SDR9C7: variants seen among roughly 807,000 people sequenced by gnomAD.
The protein encoded by SDR9C7 is short-chain dehydrogenase/reductase family 9C member 7.
SDR9C7 carries 11 observed loss-of-function variants against 23.6 expected under a neutral mutation model. That is an observed-to-expected ratio of 0.47 (90% CI 0.29 to 0.77). The LOEUF is 0.77. Ranked by LOEUF, SDR9C7 falls within the 30% of genes least tolerant of loss-of-function variation. The probability of loss-of-function intolerance (pLI) is 0.09; values close to 1 mark genes in which losing one functional copy is unlikely to be tolerated. For missense variants in SDR9C7, 387 were observed against 407.1 expected, an observed-to-expected ratio of 0.95 and a Z score of 0.42; for synonymous variants, 167 against 157.3, an observed-to-expected ratio of 1.06 and a Z score of -0.46.
chr12:56,929,269 G>T, intron 3 of SDR9C7, 121 bp downstream of exon 3: 1 of 942,424 alleles, frequency 1.1e-6, no homozygotes. Flanking sequence ...GTGCCACTAT[G>T]TGACCTTGGG....
At chr12:56,927,554 C>T (rs967382884) in intron 3 of SDR9C7, among the ~76,000 whole-genome samples, 2 of 152,254 alleles carry the variant, frequency 1.3e-5, no homozygotes, top group African/African-American at 4.8e-5. Context: ...GCCAATCACA[C>T]CTTCACATTC....
In SDR9C7 at chr12:56,923,964, G is replaced by C. The variant is rs770439255; in HGVS notation, c.811C>G (p.Arg271Gly). 2 of 1,614,034 alleles carry C rather than the reference G, an allele frequency of 1.2e-6. No homozygotes were observed. The highest frequency in any genetic ancestry group is 1.7e-5 in the Admixed American group (1 of 60,024). ...INSMEHAIVSRSPRIRYNPGL... is the reference protein window; with the variant it reads ...INSMEHAIVSGSPRIRYNPGL... ...GGGTTGTAGCGGATGCGAGGGCTCC[G>C]GGAAACAATAGCATGCTCCATGCTG... is the stretch of plus-strand genomic sequence containing the variant. The change falls in exon 4 of 4, where the codon CGG becomes GGG. Residue 271 changes from arginine to glycine, a missense_variant. Transcript: ENST00000293502.
At position 56,929,467 on chromosome 12, in the gene SDR9C7, T is replaced by C; in HGVS notation, c.647A>G (p.Glu216Gly). Residue 216 changes from glutamate (E) to glycine (G), a missense_variant, in exon 3 of 4, where the codon GAG (glutamate) becomes GGG (glycine). Physicochemically the swap from Glu to Gly is moderately conservative, Grantham distance 98. Coordinates refer to ENST00000293502, the MANE Select transcript of SDR9C7 (RefSeq NM_148897.3). Reference protein sequence around the residue: ...RTAILGKENLESRMRKLWERL... With the variant: ...RTAILGKENLGSRMRKLWERL... ...CTCCCAAAGCTTTCGCATGCGTGAC[T>C]CCAGGTTCTCCTTGCCGAGAATGGC... 1 of 1,613,906 alleles carries C rather than the reference T, an allele frequency of 6.2e-7. No homozygotes were observed.
Position 56,930,440 on chromosome 12 carries a change from C to T in SDR9C7, c.346G>A (p.Gly116Ser). ...VNNAGVGLPSGPNEWLTKDDF... is the reference protein window; with the variant it reads ...VNNAGVGLPSSPNEWLTKDDF... ...TCCTTGGTCAGCCATTCGTTGGGAC[C>T]ACTGGGCAGGCCCACACCAGCATTG... The change falls in exon 2 of 4, where the codon GGT becomes AGT. Residue 116 changes from glycine (G) to serine (S), a missense_variant. Coordinates refer to ENST00000293502, the MANE Select transcript of SDR9C7 (RefSeq NM_148897.3). 2 of 1,614,148 alleles carry T rather than the reference C, an allele frequency of 1.2e-6. No homozygotes were observed. Among genetic ancestry groups the T allele is most frequent in the Non-Finnish European group, 1.7e-6 (2 of 1,180,012 alleles).
chr12:56,932,040 A>ATATT (rs760171074), intron 1 of SDR9C7, among the ~76,000 whole-genome samples: 1 of 152,208 alleles, frequency 6.6e-6, no homozygotes, highest in Non-Finnish European at 1.5e-5. Context: ...TTAGACCAGG[A>ATATT]TATTGCCAAG....
At chr12:56,930,615 C>T (rs1416394136) in intron 1 of SDR9C7, 131 bp from the exon 2 acceptor site, 2 of 1,020,652 alleles carry the variant, frequency 2.0e-6, no homozygotes, top group Non-Finnish European at 2.8e-6. Flanking sequence ...CAGGCTATAA[C>T]ATAAAAGGAA....
chr12:56,933,942 A>C lies in SDR9C7; in HGVS notation c.301+19T>G, dbSNP rs372858980. ...AAGAAGGAGAAACCAAGAAAGCCAA[A>C]GAATGTAATTCGCCCCACCTTGTTC... On this transcript the variant is annotated intron_variant, in intron 1 of 3. Coordinates refer to ENST00000293502, the MANE Select transcript of SDR9C7 (RefSeq NM_148897.3). 26 of 1,592,542 alleles carry C rather than the reference A, an allele frequency of 1.6e-5. 1 individual carries two copies. The highest frequency in any genetic ancestry group is 2.1e-5 in the Non-Finnish European group (25 of 1,165,902).
intron 1 of SDR9C7, among the ~76,000 whole-genome samples, chr12:56,931,238 ACT>A (rs752098010): frequency 1.1e-4 from 17 of 152,166 alleles, no homozygotes; most frequent in Non-Finnish European, 2.5e-4. Flanking sequence ...ACAGAGTGAG[ACT>A]CTGTCTCTAA....
chr12:56,929,440 C>T lies in SDR9C7; in HGVS notation c.674G>A (p.Arg225Lys). Residue 225 changes from arginine to lysine, a missense_variant, in exon 3 of 4, where the codon AGG becomes AAG. Coordinates refer to ENST00000293502, the MANE Select transcript of SDR9C7 (RefSeq NM_148897.3). Reference protein sequence around the residue: ...LESRMRKLWERLPQETRDSYG... With the variant: ...LESRMRKLWEKLPQETRDSYG... ...GCTGTCCCGGGTCTCCTGAGGCAGC[C>T]TCTCCCAAAGCTTTCGCATGCGTGA... 1 of 1,613,298 alleles carries T rather than the reference C, an allele frequency of 6.2e-7. No homozygotes were observed. Among genetic ancestry groups the T allele is most frequent in the Non-Finnish European group, 8.5e-7 (1 of 1,179,284 alleles).
At position 56,923,947 on chromosome 12, in the gene SDR9C7, G is replaced by A; in HGVS notation, c.828C>T (p.Arg276=). ...HAIVSRSPRI[R]YNPGLDAKLL... ...GTTTGGCATCCAGGCCAGGGTTGTA[G>A]CGGATGCGAGGGCTCCGGGAAACAA... The change falls in exon 4 of 4, where the codon CGC becomes CGT. Residue 276 remains arginine, a synonymous_variant. Coordinates refer to ENST00000293502, the MANE Select transcript of SDR9C7 (RefSeq NM_148897.3). 1 of 1,614,162 alleles carries A rather than the reference G, an allele frequency of 6.2e-7. No homozygotes were observed. Among genetic ancestry groups the A allele is most frequent in the Non-Finnish European group, 8.5e-7 (1 of 1,179,990 alleles).
At chr12:56,933,725 C>T (rs1192079316) in intron 1 of SDR9C7, among the ~76,000 whole-genome samples, 8 of 152,194 alleles carry the variant, frequency 5.3e-5, no homozygotes, top group Non-Finnish European at 1.2e-4. Context: ...CTATTGAGAC[C>T]TCTTTCCCGT....
At chr12:56,927,218 C>T (rs541459038) in intron 3 of SDR9C7, among the ~76,000 whole-genome samples, 5 of 152,264 alleles carry the variant, frequency 3.3e-5, no homozygotes, top group East Asian at 1.9e-4. Context: ...ACAAGGTTTT[C>T]GGAGGAGTTT....
rs368430578 is a variant in SDR9C7 at position 56,930,535 on chromosome 12, C to G, written c.302-51G>C. Reference sequence around the variant, plus strand: ...AATCATCAGTGGGCCTGGGAAAGAACCAAGTTCTGCTCCCCACCGGCTCAG... The same window carrying G: ...AATCATCAGTGGGCCTGGGAAAGAAGCAAGTTCTGCTCCCCACCGGCTCAG... On this transcript the variant is annotated intron_variant, in intron 1 of 3. Coordinates refer to ENST00000293502, the MANE Select transcript of SDR9C7 (RefSeq NM_148897.3). 19 of 1,593,996 alleles carry G rather than the reference C, an allele frequency of 1.2e-5. No homozygotes were observed. The African/African-American group carries it at 2.0e-4, about 17-fold the overall frequency.
chr12:56,924,530 GAGA>G (rs1489525164), intron 3 of SDR9C7, among the ~76,000 whole-genome samples: 1 of 152,226 alleles, frequency 6.6e-6, no homozygotes, highest in South Asian at 2.1e-4. Flanking sequence ...GACTGGTGAT[GAGA>G]AGAACTGTGC....
chr12:56,923,708 T>C lies in SDR9C7; in HGVS notation c.*125A>G. ...CTGGTAAATTCGACAGCAGTGGGTG[T>C]CAGCTGAGCCAAGCTTCCTTTGCAG... On this transcript the variant is annotated 3_prime_UTR_variant, in exon 4 of 4. Transcript: ENST00000293502. The C allele has an allele frequency of 1.3e-6, 1 of 754,150 alleles. No individual in the cohort carries two copies. Among genetic ancestry groups the C allele is most frequent in the Non-Finnish European group, 2.2e-6 (1 of 463,596 alleles). The allele number at this position is 754,150 out of a possible 1,614,324, so 46.7% of individuals were successfully genotyped here. A position where few individuals can be genotyped will look rare whatever the true frequency, so the allele number is the denominator to read the frequency against.
rs370230098 is a variant in SDR9C7 at position 56,934,129 on chromosome 12, G to A, written c.133C>T (p.Leu45=). The change falls in exon 1 of 4, where the codon CTG becomes TTG. Residue 45 remains leucine, a synonymous_variant. Transcript: ENST00000293502. ...AGCACCTGCATGCCCCGATCAACCA[G>A]CTGTTTGGCCAGCAGGTTCCCGAAG... is the stretch of plus-strand genomic sequence containing the variant. ...SGFGNLLAKQ[L]VDRGMQVLAA... 36 of 1,614,106 alleles carry A rather than the reference G, an allele frequency of 2.2e-5. No homozygotes were observed. The highest frequency in any genetic ancestry group is 1.3e-4 in the East Asian group (6 of 44,896).
At position 56,924,069 on chromosome 12, in the gene SDR9C7, G is replaced by A; in HGVS notation, c.725-19C>T. On this transcript the variant is annotated intron_variant, in intron 3 of 3. Coordinates refer to ENST00000293502, the MANE Select transcript of SDR9C7 (RefSeq NM_148897.3). ...TCAGTATCTGTTTGAGGGCAGAGAG[G>A]GGAAAAAGGCTCTGTTATTCTTCAT... 7 of 1,532,498 alleles carry A rather than the reference G, an allele frequency of 4.6e-6. No homozygotes were observed. Among genetic ancestry groups the A allele is most frequent in the Non-Finnish European group, 5.4e-6 (6 of 1,113,222 alleles). The allele number at this position is 1,532,498 out of a possible 1,614,324, so 94.9% of individuals were successfully genotyped here. A position where few individuals can be genotyped will look rare whatever the true frequency, so the allele number is the denominator to read the frequency against.
chr12:56,923,851 C>T lies in SDR9C7; in HGVS notation c.924G>A (p.Arg308=). ...TDFILSRYLP[R]PADSV ...CCCCAGTTTAGACACTGTCCGCTGG[C>T]CTTGGAAGGTACCGGCTTAGGATGA... The change falls in exon 4 of 4, where the codon AGG becomes AGA. Residue 308 remains arginine, a synonymous_variant. Transcript: ENST00000293502. The T allele has an allele frequency of 6.2e-7, 1 of 1,610,730 alleles. No individual in the cohort carries two copies. The highest frequency in any genetic ancestry group is 8.5e-7 in the Non-Finnish European group (1 of 1,177,906).
chr12:56,927,425 C>T (rs1955741475), intron 3 of SDR9C7, among the ~76,000 whole-genome samples: 1 of 152,212 alleles, frequency 6.6e-6, no homozygotes, highest in Non-Finnish European at 1.5e-5. Flanking sequence ...AAATATTCTT[C>T]CCCACACATG....
Sources: gnomAD v4.1 joint callset for allele counts (sites outside exome capture counted in the v4.1 genomes callset) on GRCh38, gnomAD v4.1.1 for gene constraint, MANE v1.5 for transcripts, NCBI Gene and HGNC (gene_info 2026-07-23, HGNC 2026-07-21) for gene names.